SCN2A: variants seen among roughly 807,000 people sequenced by gnomAD.
SCN2A encodes the protein sodium channel protein type 2 subunit alpha.
A neutral mutation model predicts 188.7 loss-of-function variants in SCN2A; 20 were observed. The observed-to-expected ratio is 0.11, with a 90% CI of 0.07 to 0.15. The LOEUF is 0.15. Ranked by LOEUF, SCN2A falls within the 10% of genes least tolerant of loss-of-function variation. The pLI is 1.00. For missense variants in SCN2A, 1,278 were observed against 2,445.0 expected, an observed-to-expected ratio of 0.52 and a Z score of 10.07; for synonymous variants, 804 against 833.1, an observed-to-expected ratio of 0.97 and a Z score of 0.60.
chr2:165,307,146 A>G (rs1016321210), intron 3 of SCN2A, among the ~76,000 whole-genome samples: 1 of 152,248 alleles, frequency 6.6e-6, no homozygotes, highest in African/African-American at 2.4e-5. Flanking sequence ...CAATTCATTG[A>G]GCATCTATTA....
chr2:165,302,525 G>T (rs1290602533), intron 3 of SCN2A, among the ~76,000 whole-genome samples: 1 of 151,966 alleles, frequency 6.6e-6, no homozygotes, highest in Non-Finnish European at 1.5e-5. Flanking sequence ...CCTTCCTATA[G>T]AATAACAAAG....
At chr2:165,356,873 G>A (rs2105341688) in intron 17 of SCN2A, among the ~76,000 whole-genome samples, 1 of 152,196 alleles carries the variant, frequency 6.6e-6, no homozygotes, top group African/African-American at 2.4e-5. Context: ...TTTTTGATTT[G>A]TTTTCCCATT....
intron 16 of SCN2A, 40 bp from the exon 17 acceptor site, chr2:165,354,152 T>A: frequency 6.2e-7 from 1 of 1,612,140 alleles, no homozygotes; most frequent in Non-Finnish European, 8.5e-7. Context: ...ATTGAAGCAA[T>A]AGAATGTTTT....
At chr2:165,291,400 CT>C (rs1696120202) in intron 1 of SCN2A, among the ~76,000 whole-genome samples, 1 of 146,620 alleles carries the variant, frequency 6.8e-6, no homozygotes, top group African/African-American at 2.5e-5. Context: ...TCCTTCCTTC[CT>C]TCCTTCCTTC....
chr2:165,254,366 A>G (rs1013103030), intron 1 of SCN2A, among the ~76,000 whole-genome samples: 6 of 151,772 alleles, frequency 4.0e-5, no homozygotes, highest in Admixed American at 2.0e-4. Flanking sequence ...AACTGTATTC[A>G]TTAATGATAT....
intron 1 of SCN2A, among the ~76,000 whole-genome samples, chr2:165,291,492 T>TCC (rs1696163080): frequency 5.3e-4 from 4 of 7,480 alleles, no homozygotes; most frequent in Non-Finnish European, 9.8e-4. Flanking sequence ...CTTTCTTTCT[T>TCC]TTCTTTCTTT....
intron 1 of SCN2A, among the ~76,000 whole-genome samples, chr2:165,289,714 T>C (rs1353810360): frequency 2.6e-5 from 4 of 152,130 alleles, no homozygotes. Context: ...TACATCTACA[T>C]TATGCAAAAG....
intron 3 of SCN2A, among the ~76,000 whole-genome samples, chr2:165,304,652 T>C (rs1697018995): frequency 6.6e-6 from 1 of 152,154 alleles, no homozygotes; most frequent in Non-Finnish European, 1.5e-5. Flanking sequence ...GGTATATAAC[T>C]GGTAATAGGT....
rs7578237 is a variant in SCN2A at position 165,380,987 on chromosome 2, T to C, written c.4447-106T>C. 555,309 of 784,262 alleles carry C rather than the reference T, an allele frequency of 0.71. 197,890 individuals are homozygous for C. Among genetic ancestry groups the C allele is most frequent in the Admixed American group, 0.77 (33,338 of 43,460 alleles). 48.6% of individuals were successfully genotyped at this position (784,262 alleles called of 1,614,324 possible). ...GCATCTCTATAAATACAGATATTAG[T>C]AACAATAGAATGAAATGTGGGAGCC... On this transcript the variant is annotated intron_variant, in intron 24 of 26. Coordinates refer to ENST00000375437, the MANE Select transcript of SCN2A (RefSeq NM_001040142.2).
chr2:165,244,911 GACA>G (rs904605134), intron 1 of SCN2A, among the ~76,000 whole-genome samples: 43 of 152,160 alleles, frequency 2.8e-4, no homozygotes, highest in African/African-American at 9.6e-4. Context: ...ATGGGGAAAT[GACA>G]ACAAAATAAC....
intron 23 of SCN2A, 57 bp downstream of exon 23, chr2:165,377,707 T>G: frequency 7.2e-7 from 1 of 1,394,680 alleles, no homozygotes; most frequent in Non-Finnish European, 1.0e-6. Flanking sequence ...TTCTACAATA[T>G]TGTAATTTAG....
chr2:165,321,817 C>T (rs1169037219), intron 11 of SCN2A, among the ~76,000 whole-genome samples: 1 of 152,098 alleles, frequency 6.6e-6, no homozygotes, highest in Non-Finnish European at 1.5e-5. Flanking sequence ...TGGGTGGGGA[C>T]ACAGCCAAAC....
intron 1 of SCN2A, among the ~76,000 whole-genome samples, chr2:165,242,134 G>A (rs1574420892): frequency 1.3e-5 from 2 of 152,052 alleles, no homozygotes; most frequent in South Asian, 4.1e-4. Flanking sequence ...TCATACACTG[G>A]GGTGTTTTAT....
chr2:165,342,534 T>TA, intron 15 of SCN2A, 65 bp downstream of exon 15: 1 of 1,528,976 alleles, frequency 6.5e-7, no homozygotes, highest in Non-Finnish European at 9.1e-7. Context: ...TCTCATCTAG[T>TA]AAAAATGGCA....
chr2:165,306,504 TTGTG>T (rs10524719), intron 3 of SCN2A, among the ~76,000 whole-genome samples: 11,690 of 147,018 alleles, frequency 0.08, 546 homozygotes, highest in East Asian at 0.18. Flanking sequence ...AAATGGTATT[TTGTG>T]TGTGTGTGTG....
At position 165,323,499 on chromosome 2, in the gene SCN2A, A is replaced by C; in HGVS notation, c.2015A>C (p.Glu672Ala). The C allele has an allele frequency of 6.2e-7, 1 of 1,609,840 alleles. No individual in the cohort carries two copies. Among genetic ancestry groups the C allele is most frequent in the African/African-American group, 1.3e-5 (1 of 74,910 alleles). The change falls in exon 12 of 27, where the codon GAG (glutamate) becomes GCG (alanine). Residue 672 changes from glutamate to alanine, a missense_variant and splice_region_variant. By Grantham distance (107) the Glu-to-Ala change is moderately radical (BLOSUM62 -1). This residue lies in a region of SCN2A where 315 missense variants were observed against 386.6 expected (regional missense o/e 0.81). Transcript: ENST00000375437. ...TLTSAGQLLPEGTTTETEIRK... is the reference protein window; with the variant it reads ...TLTSAGQLLPAGTTTETEIRK... Reference sequence around the variant, plus strand: ...ACATCTGCTGGGCAGCTCCTACCAGAGGTGAGGCCAATTAAAATTGCAGCT... The same window carrying C: ...ACATCTGCTGGGCAGCTCCTACCAGCGGTGAGGCCAATTAAAATTGCAGCT...
At position 165,389,584 on chromosome 2, in the gene SCN2A, A is replaced by G. The variant is rs754456394; in HGVS notation, c.5778A>G (p.Lys1926=). ...GCTACCTCTTGAAGCAAAAAGTTAA[A>G]AAGGTATCAAGTATATACAAGAAAG... The part of the protein sequence containing the change: ...YRRYLLKQKV[K]KVSSIYKKDK... The change falls in exon 27 of 27, where the codon AAA becomes AAG. Residue 1926 remains lysine (K), a synonymous_variant. Coordinates refer to ENST00000375437, the MANE Select transcript of SCN2A (RefSeq NM_001040142.2). The surrounding 1 kb of genome is among the most constrained non-coding windows in gnomAD (Gnocchi z 4.2). The G allele has an allele frequency of 3.7e-6, 6 of 1,613,866 alleles. No individual in the cohort carries two copies. Among genetic ancestry groups the G allele is most frequent in the African/African-American group, 2.7e-5 (2 of 74,906 alleles).
chr2:165,317,433 C>T (rs1697819468), intron 11 of SCN2A, among the ~76,000 whole-genome samples: 1 of 151,356 alleles, frequency 6.6e-6, no homozygotes, highest in East Asian at 2.0e-4. Flanking sequence ...GTATTTTTGC[C>T]TACATTTTTA....
chr2:165,382,004 C>T (rs986313364), intron 25 of SCN2A, among the ~76,000 whole-genome samples: 10 of 151,828 alleles, frequency 6.6e-5, no homozygotes, highest in Non-Finnish European at 1.0e-4. Flanking sequence ...GTTGGTAAGC[C>T]GGCCAATAAC....
Sources: allele counts gnomAD v4.1 joint callset (sites outside exome capture counted in the v4.1 genomes callset), GRCh38; gene constraint gnomAD v4.1.1; regional missense constraint gnomAD v4.1.1; non-coding constraint Gnocchi (gnomAD v3.1); transcripts MANE v1.5; gene names NCBI Gene and HGNC (gene_info 2026-07-23, HGNC 2026-07-21).